CDH12: variants seen among roughly 807,000 people sequenced by gnomAD.
CDH12 encodes the protein cadherin 12, also known as cadherin-12.
In CDH12, 41 loss-of-function variants were observed where a neutral mutation model predicts 74.1. The ratio of observed to expected loss-of-function variants is 0.55; its 90% CI spans 0.43 to 0.72. The LOEUF (loss-of-function observed/expected upper bound fraction) is 0.72, where lower values mean the gene tolerates loss of function less well. Among genes scored for constraint, CDH12 ranks in the 30% least tolerant of loss-of-function variants. The pLI, the probability that CDH12 is intolerant of heterozygous loss-of-function variation, is 0.00. For missense variants in CDH12, 945 were observed against 977.2 expected, an observed-to-expected ratio of 0.97 and a Z score of 0.44; for synonymous variants, 399 against 355.0, an observed-to-expected ratio of 1.12 and a Z score of -1.39.
chr5:22,620,190 G>C (rs182005681), intron 1 of CDH12, among the ~76,000 whole-genome samples: 2 of 152,028 alleles, frequency 1.3e-5, no homozygotes, highest in Middle Eastern at 3.2e-3. Flanking sequence ...CATTTCTTCA[G>C]TATGGAAAAC....
intron 5 of CDH12, among the ~76,000 whole-genome samples, chr5:22,058,095 C>T (rs779203774): frequency 2.0e-5 from 3 of 151,942 alleles, no homozygotes; most frequent in Non-Finnish European, 2.9e-5. Context: ...CTTGCTCTGT[C>T]GCCCAGGCTG....
At chr5:22,342,265 C>T (rs1224459394) in intron 3 of CDH12, among the ~76,000 whole-genome samples, 2 of 152,116 alleles carry the variant, frequency 1.3e-5, no homozygotes, top group Admixed American at 1.3e-4. Context: ...AGCATTCAGT[C>T]CTTAGCAGAG....
intron 2 of CDH12, among the ~76,000 whole-genome samples, chr5:22,472,205 G>A (rs923906904): frequency 6.6e-6 from 1 of 152,090 alleles, no homozygotes; most frequent in Non-Finnish European, 1.5e-5. Flanking sequence ...TCAGAGCTTG[G>A]CAGGCTAAAG....
At chr5:22,812,881 T>C (rs1749217452) in intron 1 of CDH12, among the ~76,000 whole-genome samples, 2 of 152,160 alleles carry the variant, frequency 1.3e-5, no homozygotes, top group South Asian at 2.1e-4. Context: ...TAATGACCAC[T>C]GGTATTCAAG....
At chr5:21,989,531 G>T (rs1219185286) in intron 5 of CDH12, among the ~76,000 whole-genome samples, 1 of 152,018 alleles carries the variant, frequency 6.6e-6, no homozygotes, top group Non-Finnish European at 1.5e-5. Flanking sequence ...GAGTCCTCAG[G>T]TTGTTACAGA....
At chr5:22,447,610 T>C (rs1227807170) in intron 2 of CDH12, among the ~76,000 whole-genome samples, 2 of 152,082 alleles carry the variant, frequency 1.3e-5, no homozygotes, top group Non-Finnish European at 2.9e-5. Context: ...TAACTAGATA[T>C]GCAATTGATC....
chr5:22,555,173 C>G (rs1215941695), intron 1 of CDH12, among the ~76,000 whole-genome samples: 1 of 151,910 alleles, frequency 6.6e-6, no homozygotes, highest in Non-Finnish European at 1.5e-5. Context: ...TCTTGTGCCT[C>G]TCTTTTCTTT....
At chr5:22,230,994 C>A (rs550998205) in intron 3 of CDH12, among the ~76,000 whole-genome samples, 1 of 152,262 alleles carries the variant, frequency 6.6e-6, no homozygotes, top group African/African-American at 2.4e-5. Flanking sequence ...ATGCCATATT[C>A]TTGTGACTTA....
chr5:22,315,543 T>C (rs1561306561), intron 3 of CDH12, among the ~76,000 whole-genome samples: 1 of 152,144 alleles, frequency 6.6e-6, no homozygotes, highest in African/African-American at 2.4e-5. Flanking sequence ...AAAAGTCCTA[T>C]GTGTGCTTGT....
chr5:22,117,471 A>G lies in CDH12; in HGVS notation c.-186-38609T>C, dbSNP rs1477596884. 3.2e-3 allele frequency among the ~76,000 whole-genome samples: 212 copies of G among 65,662 alleles called. 1 individual carries two copies. The highest frequency in any genetic ancestry group is 0.012 in the African/African-American group (201 of 16,154). 43.1% of individuals were successfully genotyped at this position (65,662 alleles called of 152,430 possible). ...ATAATATATATATTATATATATAATATATATATTATATATATATTATATAT... is the reference window on the plus strand; with the variant it reads ...ATAATATATATATTATATATATAATGTATATATTATATATATATTATATAT... On this transcript the variant is annotated intron_variant, in intron 4 of 14. Coordinates refer to ENST00000382254, the MANE Select transcript of CDH12 (RefSeq NM_004061.5).
At chr5:22,597,155 C>G (rs983347768) in intron 1 of CDH12, among the ~76,000 whole-genome samples, 1 of 152,106 alleles carries the variant, frequency 6.6e-6, no homozygotes. Flanking sequence ...CTTACATATC[C>G]AGCAACCAAA....
At chr5:22,370,182 A>G (rs1044609228) in intron 3 of CDH12, among the ~76,000 whole-genome samples, 2 of 152,116 alleles carry the variant, frequency 1.3e-5, no homozygotes, top group Non-Finnish European at 2.9e-5. Context: ...AAGAGAAATT[A>G]TTTTTAGAGA....
intron 1 of CDH12, among the ~76,000 whole-genome samples, chr5:22,668,751 A>G (rs940664205): frequency 3.9e-5 from 6 of 152,210 alleles, no homozygotes; most frequent in Non-Finnish European, 8.8e-5. Flanking sequence ...AAGTTTCAAC[A>G]TGAGCTTTGA....
At chr5:22,807,894 G>A (rs1382295876) in intron 1 of CDH12, among the ~76,000 whole-genome samples, 1 of 152,086 alleles carries the variant, frequency 6.6e-6, no homozygotes, top group East Asian at 1.9e-4. Flanking sequence ...ACATGATGTA[G>A]ACTTTATAAA....
intron 1 of CDH12, among the ~76,000 whole-genome samples, chr5:22,820,997 C>A (rs2126474797): frequency 6.6e-6 from 1 of 152,258 alleles, no homozygotes; most frequent in East Asian, 1.9e-4. Flanking sequence ...AAAATACTGG[C>A]AAACCGAATC....
chr5:22,399,250 G>T (rs933551839), intron 3 of CDH12, among the ~76,000 whole-genome samples: 1 of 151,248 alleles, frequency 6.6e-6, no homozygotes, highest in Non-Finnish European at 1.5e-5. Context: ...TAAACAAGTA[G>T]TGTAACATTT....
intron 3 of CDH12, among the ~76,000 whole-genome samples, chr5:22,317,135 C>A (rs368260760): frequency 6.6e-6 from 1 of 151,934 alleles, no homozygotes; most frequent in South Asian, 2.1e-4. Context: ...CTGGCCAACA[C>A]GGTGAAACCC....
At chr5:22,389,428 A>G (rs1742135461) in intron 3 of CDH12, among the ~76,000 whole-genome samples, 1 of 152,180 alleles carries the variant, frequency 6.6e-6, no homozygotes, top group Non-Finnish European at 1.5e-5. Flanking sequence ...GTTGAAATCC[A>G]TGAATGATAT....
At position 22,620,653 on chromosome 5, in the gene CDH12, T is replaced by C. The variant is rs542795324; in HGVS notation, c.-522-115289A>G. On this transcript the variant is annotated intron_variant, in intron 1 of 14. Transcript: ENST00000382254. ...TATTCTGTATATGCCCAGTAGATCATGCGTGAGATCAATAATAAATGATCA... is the reference window on the plus strand; with the variant it reads ...TATTCTGTATATGCCCAGTAGATCACGCGTGAGATCAATAATAAATGATCA... Among the ~76,000 whole-genome samples the C allele has an allele frequency of 9.9e-5, 15 of 152,252 alleles. No homozygotes were observed. The South Asian group carries it at 2.9e-3, about 29-fold the overall frequency.
Sources: allele counts gnomAD v4.1 joint callset (sites outside exome capture counted in the v4.1 genomes callset), GRCh38; gene constraint gnomAD v4.1.1; transcripts MANE v1.5; gene names NCBI Gene and HGNC (gene_info 2026-07-23, HGNC 2026-07-21).